Variants in SORCS2 observed in about 807,000 individuals in gnomAD.
SORCS2 encodes VPS10 domain-containing receptor SorCS2.
A neutral mutation model predicts 141.6 loss-of-function variants in SORCS2; 100 were observed. The observed-to-expected ratio is 0.71, with a 90% CI of 0.60 to 0.83. The LOEUF is 0.83. Among genes scored for constraint, SORCS2 ranks in the 40% least tolerant of loss-of-function variants. SORCS2 has a pLI of 0.00. For missense variants in SORCS2, 1,646 were observed against 1,560.2 expected, an observed-to-expected ratio of 1.05 and a Z score of -0.93; for synonymous variants, 789 against 676.9, an observed-to-expected ratio of 1.17 and a Z score of -2.57.
intron 3 of SORCS2, among the ~76,000 whole-genome samples, chr4:7,589,267 G>T (rs1716750763): frequency 6.6e-6 from 1 of 152,232 alleles, no homozygotes. Context: ...GGAGGGGTCA[G>T]GTTTGGGAGG....
rs1438686685 is a variant in SORCS2 at position 7,676,202 on chromosome 4, G to A, written c.1314G>A (p.Glu438=). 4 of 1,551,928 alleles carry A rather than the reference G, an allele frequency of 2.6e-6. No individual in the cohort carries two copies. Among genetic ancestry groups the A allele is most frequent in the Admixed American group, 3.9e-5 (2 of 51,048 alleles). Reference sequence around the variant, plus strand: ...ACGTGCGCAGCTCACGGCAGGCGGAGGAGAGCGTGCTCATCGACATCCTGG... The same window carrying A: ...ACGTGCGCAGCTCACGGCAGGCGGAAGAGAGCGTGCTCATCGACATCCTGG... The part of the protein sequence containing the change: ...LQDVRSSRQA[E]ESVLIDILEV... Residue 438 remains glutamate (E), a synonymous_variant, in exon 9 of 27, where the codon GAG becomes GAA. Coordinates refer to ENST00000507866, the MANE Select transcript of SORCS2 (RefSeq NM_020777.3).
intron 5 of SORCS2, among the ~76,000 whole-genome samples, 164 bp downstream of exon 5, chr4:7,654,371 C>T (rs945375294): frequency 1.3e-5 from 2 of 152,210 alleles, no homozygotes; most frequent in Non-Finnish European, 2.9e-5. Flanking sequence ...TGCAGCCCCA[C>T]ACCCTCCTCA....
rs115017733 is a variant in SORCS2, at chr4:7,306,607, C to T, written c.481-89681C>T. ...TCTCAGGCCACTGAAGGGCGGTTCC[C>T]GTGGGGCTAGGCATGCCTGGGAATC... is the stretch of plus-strand genomic sequence containing the variant. On this transcript the variant is annotated intron_variant, in intron 1 of 26. Coordinates refer to ENST00000507866, the MANE Select transcript of SORCS2 (RefSeq NM_020777.3). Among the ~76,000 whole-genome samples, 694 of 152,292 alleles carry T rather than the reference C, an allele frequency of 4.6e-3. 5 individuals are homozygous for T. The highest frequency in any genetic ancestry group is 0.015 in the African/African-American group (644 of 41,550).
At chr4:7,416,545 C>T (rs769139319) in intron 2 of SORCS2, among the ~76,000 whole-genome samples, 71 of 152,332 alleles carry the variant, frequency 4.7e-4, no homozygotes, top group African/African-American at 1.7e-3. Flanking sequence ...CACGCCCACA[C>T]GTGCATGCAT....
At chr4:7,412,269 G>A (rs73796554) in intron 2 of SORCS2, among the ~76,000 whole-genome samples, 11,097 of 152,240 alleles carry the variant, frequency 0.073, 742 homozygotes, top group African/African-American at 0.17. Flanking sequence ...CCTGCAGGCC[G>A]ATGGCCACCC....
intron 1 of SORCS2, among the ~76,000 whole-genome samples, chr4:7,282,279 ACTT>A (rs1036166193): frequency 1.3e-5 from 2 of 152,172 alleles, no homozygotes; most frequent in African/African-American, 4.8e-5. Flanking sequence ...TTATTCAAGG[ACTT>A]CTTTGAAGGT....
At chr4:7,644,976 A>T (rs1280291329) in intron 4 of SORCS2, among the ~76,000 whole-genome samples, 1 of 152,168 alleles carries the variant, frequency 6.6e-6, no homozygotes, top group Non-Finnish European at 1.5e-5. Context: ...TTGATGGTGG[A>T]TAGTAAAAGC....
intron 1 of SORCS2, among the ~76,000 whole-genome samples, chr4:7,273,685 C>T (rs746550701): frequency 2.6e-5 from 4 of 152,226 alleles, no homozygotes; most frequent in Non-Finnish European, 5.9e-5. Context: ...TTGCAGGAGA[C>T]AGCATCCTGA....
At chr4:7,519,968 C>G (rs1459039428) in intron 2 of SORCS2, among the ~76,000 whole-genome samples, 1 of 152,198 alleles carries the variant, frequency 6.6e-6, no homozygotes, top group Non-Finnish European at 1.5e-5. Context: ...TGGAGTTAGG[C>G]CCCAGGGCTC....
intron 3 of SORCS2, among the ~76,000 whole-genome samples, chr4:7,600,017 T>G (rs1717554104): frequency 6.6e-6 from 1 of 151,944 alleles, no homozygotes; most frequent in African/African-American, 2.4e-5. Flanking sequence ...AGACAGGGTT[T>G]CATCATGTTG....
At chr4:7,238,114 G>A (rs947874872) in intron 1 of SORCS2, among the ~76,000 whole-genome samples, 1 of 152,124 alleles carries the variant, frequency 6.6e-6, no homozygotes, top group African/African-American at 2.4e-5. Context: ...CTCATGGTGG[G>A]AATGAAGAGG....
intron 10 of SORCS2, 50 bp downstream of exon 10, chr4:7,682,939 T>A: frequency 6.3e-7 from 1 of 1,582,728 alleles, no homozygotes; most frequent in African/African-American, 1.4e-5. Context: ...GGATGCTAGA[T>A]ATAACTTCAG....
At chr4:7,676,701 G>A (rs1284818028) in intron 9 of SORCS2, among the ~76,000 whole-genome samples, 1 of 146,682 alleles carries the variant, frequency 6.8e-6, no homozygotes, top group African/African-American at 2.5e-5. Flanking sequence ...CCCTCTGTGT[G>A]TCTGAAATCT....
intron 2 of SORCS2, among the ~76,000 whole-genome samples, chr4:7,495,545 T>C (rs75472385): frequency 0.026 from 3,963 of 152,254 alleles, 178 homozygotes; most frequent in African/African-American, 0.09. Context: ...ATTTTCTCCT[T>C]GGCACCCTCG....
At chr4:7,371,689 A>G (rs1722258070) in intron 1 of SORCS2, among the ~76,000 whole-genome samples, 1 of 152,086 alleles carries the variant, frequency 6.6e-6, no homozygotes, top group African/African-American at 2.4e-5. Context: ...TTGTGGATGA[A>G]CTGAGCTGCC....
chr4:7,347,208 G>A (rs538065756), intron 1 of SORCS2, among the ~76,000 whole-genome samples: 19 of 152,268 alleles, frequency 1.2e-4, no homozygotes, highest in African/African-American at 4.1e-4. Context: ...GGGACCACAC[G>A]GGGTCACCTG....
At chr4:7,526,742 G>A (rs1288646895) in intron 2 of SORCS2, among the ~76,000 whole-genome samples, 2 of 152,186 alleles carry the variant, frequency 1.3e-5, no homozygotes, top group Non-Finnish European at 2.9e-5. Context: ...GGGCGCTGAC[G>A]GTGGGGGCCG....
Position 7,609,977 on chromosome 4 carries a change from G to A in SORCS2, c.649-28351G>A, listed in dbSNP as rs187711931. On this transcript the variant is annotated intron_variant, in intron 3 of 26. Transcript: ENST00000507866. ...GGCAGTTGTGCTCGGGGCGGATAGCGCCAGTGAATGTCTGACCGTAATCAT... is the reference window on the plus strand; with the variant it reads ...GGCAGTTGTGCTCGGGGCGGATAGCACCAGTGAATGTCTGACCGTAATCAT... Among the ~76,000 whole-genome samples, 130 of 152,270 alleles carry A rather than the reference G, an allele frequency of 8.5e-4. 1 individual carries two copies. Among genetic ancestry groups the A allele is most frequent in the African/African-American group, 3.1e-3 (128 of 41,550 alleles).
At chr4:7,509,752 G>T (rs982890906) in intron 2 of SORCS2, among the ~76,000 whole-genome samples, 1 of 152,154 alleles carries the variant, frequency 6.6e-6, no homozygotes, top group Non-Finnish European at 1.5e-5. Context: ...GAAGGCTGGG[G>T]TGGTTCAGCC....
Sources: gnomAD v4.1 joint callset for allele counts (sites outside exome capture counted in the v4.1 genomes callset) on GRCh38, gnomAD v4.1.1 for gene constraint, MANE v1.5 for transcripts, NCBI Gene and HGNC (gene_info 2026-07-23, HGNC 2026-07-21) for gene names.